COL25A1: variants seen among roughly 807,000 people sequenced by gnomAD.
COL25A1 encodes collagen alpha-1(XXV) chain.
In COL25A1, 103 loss-of-function variants were observed where a neutral mutation model predicts 128.4. The ratio of observed to expected loss-of-function variants is 0.80; its 90% CI spans 0.68 to 0.94. The LOEUF (loss-of-function observed/expected upper bound fraction) is 0.94. COL25A1 is among the 40% of genes least tolerant of loss of function. The probability of loss-of-function intolerance (pLI) is 0.00; values close to 1 mark genes in which losing one functional copy is unlikely to be tolerated. For missense variants in COL25A1, 745 were observed against 840.0 expected (o/e 0.89, Z 1.40); for synonymous variants, 279 against 277.2 (o/e 1.01, Z -0.06).
At chr4:108,983,668 T>C (rs762568790) in intron 6 of COL25A1, among the ~76,000 whole-genome samples, 3 of 152,100 alleles carry the variant, frequency 2.0e-5, no homozygotes, top group Non-Finnish European at 2.9e-5. Flanking sequence ...GTTTCTTCCT[T>C]CTGGTGGGTT....
chr4:108,833,557 T>C (rs187145568), intron 31 of COL25A1, among the ~76,000 whole-genome samples: 7 of 152,222 alleles, frequency 4.6e-5, no homozygotes, highest in Non-Finnish European at 7.3e-5. Flanking sequence ...AGTATGACTA[T>C]GCTTAGATTC....
intron 3 of COL25A1, among the ~76,000 whole-genome samples, chr4:109,274,109 G>A (rs1782383850): frequency 6.6e-6 from 1 of 151,964 alleles, no homozygotes; most frequent in South Asian, 2.1e-4. Context: ...ATCAATCTTG[G>A]ATGGTGTCAT....
At chr4:109,006,377 A>AATTT (rs1755982628) in intron 6 of COL25A1, among the ~76,000 whole-genome samples, 1 of 53,548 alleles carries the variant, frequency 1.9e-5, no homozygotes, top group African/African-American at 7.3e-5. Flanking sequence ...ACACCCAGCT[A>AATTT]ATTTTTTTTT....
At position 108,812,536 on chromosome 4, in the gene COL25A1, A is replaced by C. The variant is rs951504604; in HGVS notation, c.*1391T>G. Reference sequence around the variant, plus strand: ...ATCCAATTATCCAAAACAAGAGAGAAGTTAGTAAAAGGTCATTTTGACTAC... The same window carrying C: ...ATCCAATTATCCAAAACAAGAGAGACGTTAGTAAAAGGTCATTTTGACTAC... On this transcript the variant is annotated 3_prime_UTR_variant, in exon 38 of 38. Transcript: ENST00000399132. 1 of 152,220 alleles carries C rather than the reference A, an allele frequency of 6.6e-6. No homozygotes were observed. The highest frequency in any genetic ancestry group is 6.5e-5 in the Admixed American group (1 of 15,282). 9.4% of individuals were successfully genotyped at this position (152,220 alleles called of 1,614,324 possible).
chr4:109,218,614 G>A (rs1778218659), intron 3 of COL25A1, among the ~76,000 whole-genome samples: 1 of 151,228 alleles, frequency 6.6e-6, no homozygotes, highest in African/African-American at 2.4e-5. Flanking sequence ...GAATATGTTG[G>A]GTAAATATTC....
chr4:109,146,724 C>T (rs972925936), intron 3 of COL25A1, among the ~76,000 whole-genome samples: 3 of 152,212 alleles, frequency 2.0e-5, no homozygotes, highest in Admixed American at 2.0e-4. Context: ...TCCATGTCCC[C>T]CAGCAGCAAT....
At chr4:109,029,619 T>C (rs1323304979) in intron 5 of COL25A1, among the ~76,000 whole-genome samples, 1 of 152,230 alleles carries the variant, frequency 6.6e-6, no homozygotes, top group Non-Finnish European at 1.5e-5. Flanking sequence ...TATATGTGTA[T>C]ACATATTTGT....
At chr4:109,218,363 T>TTTTTTTTTG (rs1578471061) in intron 3 of COL25A1, among the ~76,000 whole-genome samples, 1 of 135,762 alleles carries the variant, frequency 7.4e-6, no homozygotes, top group South Asian at 2.4e-4. Flanking sequence ...TGGGGTTTTT[T>TTTTTTTTTG]TTTTTTTTTT....
At position 108,949,621 on chromosome 4, in the gene COL25A1, C is replaced by A. The variant is rs376939408; in HGVS notation, c.493-8184G>T. Among the ~76,000 whole-genome samples the A allele has an allele frequency of 2.3e-3, 346 of 152,106 alleles. 1 individual carries two copies. The highest frequency in any genetic ancestry group is 7.9e-3 in the African/African-American group (326 of 41,504). On this transcript the variant is annotated intron_variant, in intron 8 of 37. Transcript: ENST00000399132. ...CGATCTCGGCTCACTGCAACCTCTA[C>A]CTCCTGGGTTCAAGTGATTCTCCTG...
At chr4:108,956,995 A>C (rs1410360574) in intron 8 of COL25A1, among the ~76,000 whole-genome samples, 1 of 152,178 alleles carries the variant, frequency 6.6e-6, no homozygotes, top group Non-Finnish European at 1.5e-5. Flanking sequence ...ACAGTAAAAA[A>C]AATTTTAGAA....
In COL25A1 at chr4:109,302,413, G is replaced by C. The variant is rs543211637; in HGVS notation, c.-301C>G. 8.0e-5 allele frequency: 17 copies of C among 212,924 alleles called. No homozygotes were observed. The highest frequency in any genetic ancestry group is 1.4e-4 in the Non-Finnish European group (15 of 108,204). 13.2% of individuals were successfully genotyped at this position (212,924 alleles called of 1,614,324 possible). A position where few individuals can be genotyped will look rare whatever the true frequency, so the allele number is the denominator to read the frequency against. ...GAGGCGCCACGCGGGGCCGCGGCTC[G>C]CCCTGGCCACGGAGGACCGGACCTG... On this transcript the variant is annotated 5_prime_UTR_variant, in exon 1 of 38. Coordinates refer to ENST00000399132, the MANE Select transcript of COL25A1 (RefSeq NM_198721.4).
At chr4:109,098,491 C>A (rs2126018696) in intron 3 of COL25A1, among the ~76,000 whole-genome samples, 1 of 152,258 alleles carries the variant, frequency 6.6e-6, no homozygotes, top group South Asian at 2.1e-4. Context: ...GAGTAAATAT[C>A]TGCCTGTGTT....
chr4:108,965,622 T>G (rs1345640379), intron 8 of COL25A1, among the ~76,000 whole-genome samples: 1 of 152,164 alleles, frequency 6.6e-6, no homozygotes, highest in Non-Finnish European at 1.5e-5. Context: ...AAGCCCTGGG[T>G]GTCACTGTGA....
At chr4:108,953,203 T>C (rs1238862257) in intron 8 of COL25A1, among the ~76,000 whole-genome samples, 1 of 152,162 alleles carries the variant, frequency 6.6e-6, no homozygotes, top group East Asian at 1.9e-4. Flanking sequence ...ATGGATTGCT[T>C]GGAACAGTAG....
At chr4:109,059,896 A>G (rs1277916484) in intron 3 of COL25A1, among the ~76,000 whole-genome samples, 2 of 152,200 alleles carry the variant, frequency 1.3e-5, no homozygotes, top group Non-Finnish European at 2.9e-5. Context: ...AATAACAGTA[A>G]CACTTCTGTA....
intron 6 of COL25A1, among the ~76,000 whole-genome samples, chr4:108,981,418 A>C (rs973047458): frequency 6.6e-6 from 1 of 152,224 alleles, no homozygotes; most frequent in Non-Finnish European, 1.5e-5. Flanking sequence ...TGAAAATTTT[A>C]AAGTTAAAAT....
chr4:108,980,874 C>T (rs903433777), intron 6 of COL25A1, among the ~76,000 whole-genome samples: 2 of 152,226 alleles, frequency 1.3e-5, no homozygotes, highest in Non-Finnish European at 2.9e-5. Flanking sequence ...TGTGGATCTT[C>T]TTTCTGATGT....
chr4:108,919,041 C>A (rs910684087), intron 12 of COL25A1, among the ~76,000 whole-genome samples: 4 of 152,102 alleles, frequency 2.6e-5, no homozygotes, highest in Non-Finnish European at 5.9e-5. Context: ...TCTGGAGAAA[C>A]CATTTTAAAT....
At chr4:109,154,660 C>T (rs1032641688) in intron 3 of COL25A1, among the ~76,000 whole-genome samples, 1 of 152,090 alleles carries the variant, frequency 6.6e-6, no homozygotes, top group African/African-American at 2.4e-5. Flanking sequence ...ACGAGTGAGT[C>T]AGAAAACATT....
Sources: allele counts gnomAD v4.1 joint callset (sites outside exome capture counted in the v4.1 genomes callset), GRCh38; gene constraint gnomAD v4.1.1; transcripts MANE v1.5; gene names NCBI Gene and HGNC (gene_info 2026-07-23, HGNC 2026-07-21).